ACMSD: variants seen among roughly 807,000 people sequenced by gnomAD.
ACMSD encodes the protein 2-amino-3-carboxymuconate-6-semialdehyde decarboxylase.
A neutral mutation model predicts 45.9 loss-of-function variants in ACMSD; 37 were observed. That is an observed-to-expected ratio of 0.81 (90% CI 0.62 to 1.06). ACMSD has a LOEUF of 1.06. Ranked by LOEUF, ACMSD falls within the 50% of genes least tolerant of loss-of-function variation. The pLI is 0.00. For missense variants in ACMSD, 434 were observed against 420.9 expected, an observed-to-expected ratio of 1.03 and a Z score of -0.27; for synonymous variants, 138 against 148.8, an observed-to-expected ratio of 0.93 and a Z score of 0.53.
chr2:134,845,181 T>G, intron 1 of ACMSD, 52 bp from the exon 2 acceptor site: 1 of 1,608,066 alleles, frequency 6.2e-7, no homozygotes, highest in Non-Finnish European at 8.5e-7. Flanking sequence ...TGCCCCTTGA[T>G]TGCAGCCTGG....
intron 7 of ACMSD, among the ~76,000 whole-genome samples, chr2:134,872,005 G>A (rs1396618667): frequency 6.8e-6 from 1 of 146,502 alleles, no homozygotes; most frequent in African/African-American, 2.5e-5. Flanking sequence ...CACACAGGCT[G>A]GAGTGCAGTG....
intron 8 of ACMSD, among the ~76,000 whole-genome samples, chr2:134,891,052 C>T (rs539299570): frequency 5.9e-5 from 9 of 151,956 alleles, no homozygotes; most frequent in South Asian, 4.1e-4. Context: ...GTCAGGTATA[C>T]GGTTTTCAAA....
intron 9 of ACMSD, among the ~76,000 whole-genome samples, chr2:134,901,305 T>C (rs545404536): frequency 6.6e-6 from 1 of 152,310 alleles, no homozygotes; most frequent in South Asian, 2.1e-4. Flanking sequence ...ATGTACGGAT[T>C]TGTACCCTCA....
intron 5 of ACMSD, 174 bp from the exon 6 acceptor site, chr2:134,867,402 CAGG>C (rs1002690109): frequency 8.4e-5 from 33 of 394,500 alleles, no homozygotes; most frequent in Non-Finnish European, 7.2e-5. Flanking sequence ...ATTTTCTAAG[CAGG>C]AGAAGTTTGT....
At chr2:134,883,766 T>C (rs553727387) in intron 8 of ACMSD, among the ~76,000 whole-genome samples, 1 of 152,284 alleles carries the variant, frequency 6.6e-6, no homozygotes, top group South Asian at 2.1e-4. Context: ...CCCAGAGTGC[T>C]ACAATTACAG....
chr2:134,900,727 A>C (rs1422042628), intron 9 of ACMSD, among the ~76,000 whole-genome samples: 1 of 152,086 alleles, frequency 6.6e-6, no homozygotes, highest in Non-Finnish European at 1.5e-5. Context: ...ATAAGGGGGG[A>C]CTGCTGTATA....
At chr2:134,850,844 G>T (rs1687306496) in intron 2 of ACMSD, among the ~76,000 whole-genome samples, 1 of 152,158 alleles carries the variant, frequency 6.6e-6, no homozygotes, top group African/African-American at 2.4e-5. Context: ...TTACCTGGGT[G>T]TATCAAGTGA....
At chr2:134,866,198 TA>T (rs1202277854) in intron 5 of ACMSD, among the ~76,000 whole-genome samples, 1 of 152,116 alleles carries the variant, frequency 6.6e-6, no homozygotes, top group East Asian at 1.9e-4. Flanking sequence ...GGTGATAAAA[TA>T]ATCTGTATGC....
At chr2:134,899,248 G>GCC (rs1164869864) in intron 9 of ACMSD, among the ~76,000 whole-genome samples, 23 of 152,164 alleles carry the variant, frequency 1.5e-4, no homozygotes, top group African/African-American at 5.5e-4. Flanking sequence ...TAAAGATATT[G>GCC]TTCATCAAAT....
At chr2:134,885,293 AT>A (rs1435839121) in intron 8 of ACMSD, among the ~76,000 whole-genome samples, 1 of 33,514 alleles carries the variant, frequency 3.0e-5, no homozygotes, top group Non-Finnish European at 4.5e-5. Context: ...TATTATATTT[AT>A]ATATATATTT....
intron 3 of ACMSD, among the ~76,000 whole-genome samples, chr2:134,861,757 G>C (rs987152649): frequency 2.6e-4 from 39 of 151,966 alleles, no homozygotes; most frequent in Admixed American, 1.4e-3. Context: ...AGTTTTCCTT[G>C]AATGATCTCA....
At chr2:134,881,753 C>T (rs923995676) in intron 8 of ACMSD, among the ~76,000 whole-genome samples, 1 of 152,070 alleles carries the variant, frequency 6.6e-6, no homozygotes, top group Non-Finnish European at 1.5e-5. Context: ...TTTCGGAGGC[C>T]GAGATGGGAG....
At chr2:134,863,311 G>C in intron 4 of ACMSD, 84 bp from the exon 5 acceptor site, 1 of 1,289,214 alleles carries the variant, frequency 7.8e-7, no homozygotes, top group Non-Finnish European at 1.1e-6. Context: ...AAATATTATA[G>C]CCATGAGGAG....
At chr2:134,861,091 C>A (rs1263231011) in intron 3 of ACMSD, among the ~76,000 whole-genome samples, 1 of 151,954 alleles carries the variant, frequency 6.6e-6, no homozygotes, top group African/African-American at 2.4e-5. Flanking sequence ...TGCAGAAAAC[C>A]TGCAGCACCT....
At position 134,872,468 on chromosome 2, in the gene ACMSD, G is replaced by A; in HGVS notation, c.677-1G>A. ...CCCTCAGTAATGGGTTTTACTTGCA[G>A]GTGGTGCCTTCCCCTTCACAGTGGG... On this transcript the variant is annotated splice_acceptor_variant, in intron 7 of 9. Transcript: ENST00000356140. LOFTEE classifies it high-confidence loss of function. 6.2e-7 allele frequency: 1 copy of A among 1,614,128 alleles called. No individual in the cohort carries two copies. The highest frequency in any genetic ancestry group is 8.5e-7 in the Non-Finnish European group (1 of 1,180,024).
At chr2:134,859,237 A>T in intron 2 of ACMSD, 24 bp from the exon 3 acceptor site, 1 of 1,605,836 alleles carries the variant, frequency 6.2e-7, no homozygotes, top group Non-Finnish European at 8.5e-7. Flanking sequence ...GTTGCATTTT[A>T]GTAATGTGGG....
At chr2:134,898,471 C>G in intron 9 of ACMSD, 32 bp downstream of exon 9, 1 of 1,466,120 alleles carries the variant, frequency 6.8e-7, no homozygotes, top group Non-Finnish European at 9.2e-7. Context: ...GGCTTTCTTA[C>G]TGACTTTTCC....
chr2:134,892,542 A>C (rs1325011237), intron 8 of ACMSD, among the ~76,000 whole-genome samples: 1 of 152,178 alleles, frequency 6.6e-6, no homozygotes, highest in Non-Finnish European at 1.5e-5. Flanking sequence ...TGGAGGCTAG[A>C]TGACTCCATG....
chr2:134,847,394 A>G (rs1038550102), intron 2 of ACMSD, among the ~76,000 whole-genome samples: 1 of 88,434 alleles, frequency 1.1e-5, no homozygotes, highest in Non-Finnish European at 2.1e-5. Context: ...TTTTTTGGGG[A>G]TACAGATAGA....
Sources: gnomAD v4.1 joint callset for allele counts (sites outside exome capture counted in the v4.1 genomes callset) on GRCh38, gnomAD v4.1.1 for gene constraint, MANE v1.5 for transcripts, NCBI Gene and HGNC (gene_info 2026-07-23, HGNC 2026-07-21) for gene names.